The following GFOD1 variants were observed in gnomAD, a reference collection of about 807,000 sequenced individuals.
The protein encoded by GFOD1 is Gfo/Idh/MocA-like oxidoreductase domain containing 1.
GFOD1 carries 9 observed loss-of-function variants against 25.4 expected under a neutral mutation model. That is an observed-to-expected ratio of 0.35 (90% CI 0.21 to 0.62). GFOD1 has a LOEUF of 0.62. Among genes scored for constraint, GFOD1 ranks in the 20% least tolerant of loss-of-function variants. The probability of loss-of-function intolerance (pLI) is 0.72; values close to 1 mark genes in which losing one functional copy is unlikely to be tolerated. For missense variants in GFOD1, 403 were observed against 556.9 expected (o/e 0.72, Z 2.78); for synonymous variants, 253 against 245.6 (o/e 1.03, Z -0.28).
In GFOD1 at chr6:13,364,577, G is replaced by T; in HGVS notation, c.*166C>A. On this transcript the variant is annotated 3_prime_UTR_variant, in exon 2 of 2. Transcript: ENST00000379287. The surrounding 1 kb of genome is among the most constrained non-coding windows in gnomAD (Gnocchi z 4.1). ...CAGCCCACCAACAGTCTGGTTTGGG[G>T]TCGGTCACCGGGATTGGAGTTTACC... 3.2e-6 allele frequency: 2 copies of T among 629,088 alleles called. No homozygotes were observed. Among genetic ancestry groups the T allele is most frequent in the Non-Finnish European group, 5.5e-6 (2 of 364,102 alleles). 39.0% of individuals were successfully genotyped at this position (629,088 alleles called of 1,614,324 possible). A position where few individuals can be genotyped will look rare whatever the true frequency, so the allele number is the denominator to read the frequency against.
intron 1 of GFOD1, among the ~76,000 whole-genome samples, chr6:13,452,359 A>G (rs1481845519): frequency 1.3e-5 from 2 of 152,196 alleles, no homozygotes; most frequent in Non-Finnish European, 2.9e-5. Context: ...GGAACCACAC[A>G]CTTGAAGTAT....
intron 1 of GFOD1, among the ~76,000 whole-genome samples, chr6:13,452,024 G>A (rs1006141953): frequency 6.6e-6 from 1 of 152,150 alleles, no homozygotes; most frequent in Non-Finnish European, 1.5e-5. Context: ...TTTCTATCAC[G>A]TGGACTGGGA....
chr6:13,418,472 C>A (rs1469035591), intron 1 of GFOD1, among the ~76,000 whole-genome samples: 1 of 152,194 alleles, frequency 6.6e-6, no homozygotes, highest in Non-Finnish European at 1.5e-5. Context: ...TTTATCTCAG[C>A]CTTCAGTTTG....
rs929073566 is a variant in GFOD1, at chr6:13,364,557, C to T, written c.*186G>A. The T allele has an allele frequency of 3.3e-6, 2 of 598,812 alleles. No homozygotes were observed. The highest frequency in any genetic ancestry group is 5.9e-6 in the Non-Finnish European group (2 of 338,444). The allele number at this position is 598,812 out of a possible 1,614,324, so 37.1% of individuals were successfully genotyped here. A position where few individuals can be genotyped will look rare whatever the true frequency, so the allele number is the denominator to read the frequency against. ...ATGCTTCCAGGCTAGGAGCTCAGCC[C>T]ACCAACAGTCTGGTTTGGGGTCGGT... On this transcript the variant is annotated 3_prime_UTR_variant, in exon 2 of 2. Transcript: ENST00000379287. This position sits in a 1 kb window ranked among gnomAD's most constrained non-coding sequence, Gnocchi z 4.1.
At chr6:13,438,553 CAATT>C (rs1757867681) in intron 1 of GFOD1, among the ~76,000 whole-genome samples, 1 of 152,036 alleles carries the variant, frequency 6.6e-6, no homozygotes, top group African/African-American at 2.4e-5. Context: ...ACTAGTCTCT[CAATT>C]AGTAATATAT....
chr6:13,398,085 A>G (rs1165457313), intron 1 of GFOD1, among the ~76,000 whole-genome samples: 1 of 152,152 alleles, frequency 6.6e-6, no homozygotes, highest in African/African-American at 2.4e-5. Flanking sequence ...TGCCAGCACG[A>G]GCTGTTTCAT....
chr6:13,401,872 T>A (rs1785852700), intron 1 of GFOD1, among the ~76,000 whole-genome samples: 1 of 152,208 alleles, frequency 6.6e-6, no homozygotes, highest in South Asian at 2.1e-4. Flanking sequence ...GCAAATGTTA[T>A]CTTGAAAGAA....
intron 1 of GFOD1, chr6:13,469,118 G>T (rs772309120): frequency 8.2e-5 from 29 of 352,120 alleles, no homozygotes; most frequent in Non-Finnish European, 1.1e-4. Context: ...CAGTTATGTA[G>T]GAGAGGGAGT....
In GFOD1 at chr6:13,432,751, T is replaced by G. The variant is rs375223440; in HGVS notation, c.253+53887A>C. Among the ~76,000 whole-genome samples, 21 of 152,268 alleles carry G rather than the reference T, an allele frequency of 1.4e-4. No homozygotes were observed. In the East Asian group the frequency reaches 4.1e-3, roughly 29 times the overall value. On this transcript the variant is annotated intron_variant, in intron 1 of 1. Coordinates refer to ENST00000379287, the MANE Select transcript of GFOD1 (RefSeq NM_018988.4). ...GCACATCCTGCCATATCACTATGGT[T>G]GTTCCCTGAGCGGGCAGCACAGAGG...
rs145610773 is a variant in GFOD1 at position 13,369,423 on chromosome 6, C to T, written c.254-3761G>A. ...ACAGAGGTTGGATGCAGTGGCTTCACGCCCATAATTCTGGAGTTTTGGGGA... is the reference window on the plus strand; with the variant it reads ...ACAGAGGTTGGATGCAGTGGCTTCATGCCCATAATTCTGGAGTTTTGGGGA... On this transcript the variant is annotated intron_variant, in intron 1 of 1. Transcript: ENST00000379287. Among the ~76,000 whole-genome samples, 446 of 152,278 alleles carry T rather than the reference C, an allele frequency of 2.9e-3. 3 individuals are homozygous for T. The highest frequency in any genetic ancestry group is 9.6e-3 in the African/African-American group (400 of 41,538).
Position 13,486,909 on chromosome 6 carries a change from G to C in GFOD1, c.-19C>G. On this transcript the variant is annotated 5_prime_UTR_variant, in exon 1 of 2. Transcript: ENST00000379287. ...GAAGCATGGCTGCTCAGAGCCGCCTGGTTCTGCTTCTGCTCGGATCTCCAG... is the reference window on the plus strand; with the variant it reads ...GAAGCATGGCTGCTCAGAGCCGCCTCGTTCTGCTTCTGCTCGGATCTCCAG... The C allele has an allele frequency of 6.2e-7, 1 of 1,603,316 alleles. No individual in the cohort carries two copies. The highest frequency in any genetic ancestry group is 8.5e-7 in the Non-Finnish European group (1 of 1,178,696).
chr6:13,405,614 A>G (rs142516831), intron 1 of GFOD1, among the ~76,000 whole-genome samples: 6 of 152,354 alleles, frequency 3.9e-5, no homozygotes, highest in African/African-American at 1.2e-4. Flanking sequence ...ACATAGGAAA[A>G]GAACCTCTAC....
chr6:13,398,589 C>T (rs1292766982), intron 1 of GFOD1, among the ~76,000 whole-genome samples: 4 of 152,336 alleles, frequency 2.6e-5, no homozygotes, highest in Admixed American at 2.0e-4. Context: ...ACAAATGCAG[C>T]GTCCAAGGAG....
At chr6:13,370,638 GGTTC>G (rs1785132684) in intron 1 of GFOD1, among the ~76,000 whole-genome samples, 1 of 152,000 alleles carries the variant, frequency 6.6e-6, no homozygotes, top group Admixed American at 6.6e-5. Context: ...GCTATCAAAA[GGTTC>G]TTGCTAAAGG....
In GFOD1 at chr6:13,365,593, G is replaced by A. The variant is rs1244107318; in HGVS notation, c.323C>T (p.Ala108Val). The change falls in exon 2 of 2, where the codon GCC becomes GTC. Residue 108 changes from alanine (A) to valine (V), a missense_variant. Ala to Val is a moderately conservative substitution (Grantham distance 64). Coordinates refer to ENST00000379287, the MANE Select transcript of GFOD1 (RefSeq NM_018988.4). This position sits in a 1 kb window ranked among gnomAD's most constrained non-coding sequence, Gnocchi z 9.2. ...GCTCATGAGCTTGGGGTAGTAGTGG[G>A]CGGCCGAGGTCATGCGGAAAGCGTC... ...PLDAFRMTSA[A>V]HYYPKLMSIM... The A allele has an allele frequency of 6.2e-7, 1 of 1,607,070 alleles. No homozygotes were observed. Among genetic ancestry groups the A allele is most frequent in the Non-Finnish European group, 8.5e-7 (1 of 1,179,876 alleles).
At chr6:13,445,153 G>A (rs1757983116) in intron 1 of GFOD1, among the ~76,000 whole-genome samples, 1 of 152,248 alleles carries the variant, frequency 6.6e-6, no homozygotes, top group African/African-American at 2.4e-5. Context: ...CAGGCGCCGA[G>A]GCTGAACAGG....
chr6:13,384,622 A>C (rs779432739), intron 1 of GFOD1, among the ~76,000 whole-genome samples: 1 of 152,206 alleles, frequency 6.6e-6, no homozygotes, highest in Non-Finnish European at 1.5e-5. Context: ...TGTGGCCATG[A>C]GAGGCCCTCA....
intron 1 of GFOD1, among the ~76,000 whole-genome samples, chr6:13,396,289 G>T (rs888073894): frequency 1.3e-5 from 2 of 152,212 alleles, no homozygotes; most frequent in African/African-American, 4.8e-5. Flanking sequence ...TGGAGGCTCT[G>T]AAATAGCATA....
intron 1 of GFOD1, among the ~76,000 whole-genome samples, chr6:13,481,401 A>G (rs1296456165): frequency 1.3e-5 from 2 of 152,270 alleles, no homozygotes; most frequent in Non-Finnish European, 2.9e-5. Flanking sequence ...AAAAGAGGCC[A>G]GGTGGCCGGA....
Sources: allele counts gnomAD v4.1 joint callset (sites outside exome capture counted in the v4.1 genomes callset), GRCh38; gene constraint gnomAD v4.1.1; non-coding constraint Gnocchi (gnomAD v3.1); transcripts MANE v1.5; gene names NCBI Gene and HGNC (gene_info 2026-07-23, HGNC 2026-07-21).